Variants in NCKAP1 observed in about 807,000 individuals in gnomAD.
NCKAP1 encodes nck-associated protein 1.
Under a neutral mutation model 151.2 loss-of-function variants are expected in NCKAP1, and 21 were observed. The ratio of observed to expected loss-of-function variants is 0.14; its 90% CI spans 0.10 to 0.20. NCKAP1 has a LOEUF of 0.20. Ranked by LOEUF, NCKAP1 falls within the 10% of genes least tolerant of loss-of-function variation. The probability of loss-of-function intolerance (pLI) is 1.00; values close to 1 mark genes in which losing one functional copy is unlikely to be tolerated. For synonymous variants in NCKAP1, 484 were observed against 451.8 expected (o/e 1.07, Z -0.90); for missense variants, 933 against 1,352.1 (o/e 0.69, Z 4.86).
intron 6 of NCKAP1, among the ~76,000 whole-genome samples, chr2:182,997,685 T>C (rs560634605): frequency 6.6e-6 from 1 of 152,178 alleles, no homozygotes; most frequent in African/African-American, 2.4e-5. Flanking sequence ...CAATGAGTAA[T>C]CAAATTGAAT....
At chr2:182,986,580 T>G (rs191449216) in intron 9 of NCKAP1, among the ~76,000 whole-genome samples, 2 of 152,302 alleles carry the variant, frequency 1.3e-5, no homozygotes, top group Admixed American at 6.5e-5. Flanking sequence ...TCTAAAGTAC[T>G]GACAAAGCTA....
At chr2:182,929,423 T>C (rs2105798875) in intron 27 of NCKAP1, among the ~76,000 whole-genome samples, 1 of 152,044 alleles carries the variant, frequency 6.6e-6, no homozygotes, top group South Asian at 2.1e-4. Flanking sequence ...CTCTCTATTT[T>C]AGAAGACAGA....
chr2:183,002,456 T>A (rs1290492716), intron 4 of NCKAP1, among the ~76,000 whole-genome samples, 187 bp from the exon 5 acceptor site: 1 of 152,112 alleles, frequency 6.6e-6, no homozygotes, highest in East Asian at 1.9e-4. Flanking sequence ...CAGTTTTGTG[T>A]CTGACACAAT....
At chr2:183,023,250 C>T (rs908437) in intron 2 of NCKAP1, among the ~76,000 whole-genome samples, 150,209 of 152,218 alleles carry the variant, frequency 0.99, 74,143 homozygotes, top group East Asian at 1. Context: ...AGATTCTGAA[C>T]ATGACCATTC....
chr2:183,015,413 T>C (rs1038087194), intron 2 of NCKAP1, among the ~76,000 whole-genome samples: 9 of 151,276 alleles, frequency 5.9e-5, no homozygotes, highest in African/African-American at 2.2e-4. Context: ...TAATGAAAGC[T>C]ACACAGCAGG....
rs1553507195 is a variant in NCKAP1, at chr2:182,912,849, A to AAGGAAGGAAGGAAGGAAGGAAGG, written c.*12852_*12853insCCTTCCTTCCTTCCTTCCTTCCT. On this transcript the variant is annotated 3_prime_UTR_variant, in exon 31 of 31. Coordinates refer to ENST00000361354, the MANE Select transcript of NCKAP1 (RefSeq NM_013436.5). ...CAAAACCAAAGAAAGATAGAGGAAG[A>AAGGAAGGAAGGAAGGAAGGAAGG]AAGGAAGGAAGGAAGGAAGGAAGGA... The AAGGAAGGAAGGAAGGAAGGAAGG allele has an allele frequency of 1.3e-4, 18 of 133,472 alleles. No individual in the cohort carries two copies. The highest frequency in any genetic ancestry group is 2.4e-4 in the East Asian group (1 of 4,112). The allele number at this position is 133,472 out of a possible 1,614,324, so 8.3% of individuals were successfully genotyped here.
intron 23 of NCKAP1, among the ~76,000 whole-genome samples, chr2:182,943,307 G>GA (rs1697034863): frequency 6.6e-6 from 1 of 152,116 alleles, no homozygotes; most frequent in Non-Finnish European, 1.5e-5. Flanking sequence ...AAACTACACA[G>GA]AAAATCCATA....
At chr2:182,968,368 T>C (rs1487861819) in intron 15 of NCKAP1, among the ~76,000 whole-genome samples, 7 of 152,206 alleles carry the variant, frequency 4.6e-5, no homozygotes, top group Non-Finnish European at 8.8e-5. Context: ...AACAGAATTA[T>C]AGATGATGGT....
intron 24 of NCKAP1, 135 bp from the exon 25 acceptor site, chr2:182,935,510 T>C (rs973925793): frequency 3.7e-6 from 2 of 538,464 alleles, no homozygotes; most frequent in Admixed American, 3.8e-5. Flanking sequence ...AGTAATTTGA[T>C]TACAATAATG....
chr2:182,919,286 G>A lies in NCKAP1; in HGVS notation c.*6416C>T, dbSNP rs1696512472. ...GCAAAGACCCTTGTACCTTTTGGCT[G>A]AAGGTAAGAATTCAGAATGAACTGA... On this transcript the variant is annotated 3_prime_UTR_variant, in exon 31 of 31. Transcript: ENST00000361354. The A allele has an allele frequency of 6.6e-6, 1 of 152,200 alleles. No homozygotes were observed. Among genetic ancestry groups the A allele is most frequent in the Admixed American group, 6.5e-5 (1 of 15,280 alleles). The allele number at this position is 152,200 out of a possible 1,614,324, so 9.4% of individuals were successfully genotyped here. A position where few individuals can be genotyped will look rare whatever the true frequency, so the allele number is the denominator to read the frequency against.
In NCKAP1 at chr2:182,925,880, A is replaced by G. The variant is rs1696633536; in HGVS notation, c.3271-62T>C. On this transcript the variant is annotated intron_variant, in intron 30 of 30. Coordinates refer to ENST00000361354, the MANE Select transcript of NCKAP1 (RefSeq NM_013436.5). Reference sequence around the variant, plus strand: ...TATAACTTGTTTATAAACAAAAATCATAAGTTATTTATAATGGGAACATTT... The same window carrying G: ...TATAACTTGTTTATAAACAAAAATCGTAAGTTATTTATAATGGGAACATTT... 22 of 849,850 alleles carry G rather than the reference A, an allele frequency of 2.6e-5. 1 individual carries two copies. Among genetic ancestry groups the G allele is most frequent in the Non-Finnish European group, 3.6e-5 (20 of 562,934 alleles). The allele number at this position is 849,850 out of a possible 1,614,324, so 52.6% of individuals were successfully genotyped here. A position where few individuals can be genotyped will look rare whatever the true frequency, so the allele number is the denominator to read the frequency against.
chr2:182,929,476 A>G (rs772151846), intron 27 of NCKAP1, among the ~76,000 whole-genome samples: 1 of 152,034 alleles, frequency 6.6e-6, no homozygotes, highest in Non-Finnish European at 1.5e-5. Flanking sequence ...AAGACAGAAG[A>G]AACTAGTCAT....
chr2:183,024,983 A>G (rs777407208), intron 1 of NCKAP1: 1 of 1,612,586 alleles, frequency 6.2e-7, no homozygotes, highest in East Asian at 2.2e-5. Context: ...CAAACCTTCC[A>G]AACTTGTCCT....
At chr2:182,952,533 C>T (rs779225042) in intron 22 of NCKAP1, 31 bp from the exon 23 acceptor site, 3 of 1,450,828 alleles carry the variant, frequency 2.1e-6, no homozygotes, top group East Asian at 4.6e-5. Flanking sequence ...TTTTATACTT[C>T]CGACAGAGCA....
chr2:183,001,132 T>A (rs1272362128), intron 6 of NCKAP1, among the ~76,000 whole-genome samples: 1 of 152,156 alleles, frequency 6.6e-6, no homozygotes, highest in Non-Finnish European at 1.5e-5. Flanking sequence ...AGGTAAATAG[T>A]TTAACTTTTA....
intron 30 of NCKAP1, among the ~76,000 whole-genome samples, chr2:182,926,083 C>T (rs1696638150): frequency 6.6e-6 from 1 of 151,968 alleles, no homozygotes; most frequent in Non-Finnish European, 1.5e-5. Context: ...TGAGCACTTT[C>T]ATTTTCCTCA....
chr2:182,979,352 C>T (rs942667012), intron 13 of NCKAP1, among the ~76,000 whole-genome samples: 4 of 151,990 alleles, frequency 2.6e-5, no homozygotes, highest in African/African-American at 9.7e-5. Flanking sequence ...CCAAAATTTA[C>T]AACATGCACT....
At chr2:182,968,892 A>C (rs900712691) in intron 15 of NCKAP1, among the ~76,000 whole-genome samples, 1 of 152,206 alleles carries the variant, frequency 6.6e-6, no homozygotes, top group Non-Finnish European at 1.5e-5. Context: ...GGATGATGTT[A>C]CTATTCAATG....
chr2:183,032,399 T>C (rs1233942310), intron 1 of NCKAP1, among the ~76,000 whole-genome samples: 1 of 152,188 alleles, frequency 6.6e-6, no homozygotes, highest in African/African-American at 2.4e-5. Context: ...GATGATTTCA[T>C]CATTGTGTGA....
Sources: gnomAD v4.1 joint callset for allele counts (sites outside exome capture counted in the v4.1 genomes callset) on GRCh38, gnomAD v4.1.1 for gene constraint, MANE v1.5 for transcripts, NCBI Gene and HGNC (gene_info 2026-07-23, HGNC 2026-07-21) for gene names.